The following MGAT4C variants were observed in gnomAD, a reference collection of about 807,000 sequenced individuals.
MGAT4C encodes the protein MGAT4 family member C, also known as alpha-1,3-mannosyl-glycoprotein 4-beta-N-acetylglucosaminyltransferase C.
In MGAT4C, 19 loss-of-function variants were observed where a neutral mutation model predicts 40.1. The ratio of observed to expected loss-of-function variants is 0.47; its 90% CI spans 0.33 to 0.70. MGAT4C has a LOEUF of 0.70. MGAT4C is among the 30% of genes least tolerant of loss of function. The pLI is 0.02. For missense variants in MGAT4C, 491 were observed against 563.2 expected (o/e 0.87, Z 1.30); for synonymous variants, 181 against 187.1 (o/e 0.97, Z 0.27).
At chr12:86,500,935 T>C (rs2136333613) in intron 2 of MGAT4C, among the ~76,000 whole-genome samples, 1 of 152,168 alleles carries the variant, frequency 6.6e-6, no homozygotes, top group Non-Finnish European at 1.5e-5. Context: ...CTTAAGTAAT[T>C]TATCAAATTG....
At chr12:86,096,490 G>A (rs939875109) in intron 1 of MGAT4C, among the ~76,000 whole-genome samples, 1 of 143,016 alleles carries the variant, frequency 7.0e-6, no homozygotes, top group South Asian at 2.2e-4. Context: ...ATCTTAATTG[G>A]TTGTCTGTTG....
At chr12:86,003,556 A>G (rs1030479177) in intron 2 of MGAT4C, among the ~76,000 whole-genome samples, 1 of 152,154 alleles carries the variant, frequency 6.6e-6, no homozygotes, top group Admixed American at 6.5e-5. Context: ...GTTAACTGTA[A>G]AAACAGTTAA....
chr12:86,546,828 CA>C (rs1959195669), intron 2 of MGAT4C, among the ~76,000 whole-genome samples: 1 of 151,798 alleles, frequency 6.6e-6, no homozygotes, highest in Admixed American at 6.6e-5. Context: ...AGGCATCCCC[CA>C]AAAAACACCA....
At chr12:86,280,059 T>C (rs1592639174) in intron 4 of MGAT4C, among the ~76,000 whole-genome samples, 1 of 152,110 alleles carries the variant, frequency 6.6e-6, no homozygotes, top group South Asian at 2.1e-4. Context: ...TGGTCTAACA[T>C]TGAGAATGAT....
intron 2 of MGAT4C, among the ~76,000 whole-genome samples, chr12:86,446,435 T>G (rs1408517551): frequency 6.6e-6 from 1 of 151,644 alleles, no homozygotes; most frequent in Non-Finnish European, 1.5e-5. Context: ...TTATGAAACT[T>G]CTTGAGGCTC....
chr12:86,504,645 G>T (rs1444311627), intron 2 of MGAT4C, among the ~76,000 whole-genome samples: 1 of 152,124 alleles, frequency 6.6e-6, no homozygotes, highest in East Asian at 1.9e-4. Flanking sequence ...TTCCAGCAAG[G>T]TATGTTAGTT....
intron 2 of MGAT4C, among the ~76,000 whole-genome samples, chr12:86,581,072 G>T (rs1960760450): frequency 6.6e-6 from 1 of 151,336 alleles, no homozygotes; most frequent in African/African-American, 2.4e-5. Context: ...TTCTCAAGAC[G>T]CCCTTGCACA....
chr12:86,803,838 C>A (rs1400244096), intron 1 of MGAT4C, among the ~76,000 whole-genome samples: 4 of 151,066 alleles, frequency 2.6e-5, no homozygotes, highest in Admixed American at 2.6e-4. Context: ...CTAGTTCAAC[C>A]ATTGTGGAAT....
intron 2 of MGAT4C, among the ~76,000 whole-genome samples, chr12:86,654,495 G>T (rs957871626): frequency 1.3e-5 from 2 of 151,912 alleles, no homozygotes; most frequent in Admixed American, 1.3e-4. Context: ...CAAAACATCA[G>T]AGGTTTAAAA....
chr12:86,227,278 A>G (rs1951129596), intron 1 of MGAT4C, among the ~76,000 whole-genome samples: 1 of 151,826 alleles, frequency 6.6e-6, no homozygotes, highest in Non-Finnish European at 1.5e-5. Flanking sequence ...GTGGCCCAGC[A>G]TCGAATCCTA....
intron 2 of MGAT4C, among the ~76,000 whole-genome samples, chr12:86,466,897 A>G (rs536980438): frequency 2.2e-4 from 34 of 152,310 alleles, no homozygotes; most frequent in African/African-American, 7.0e-4. Flanking sequence ...GGAAAATCAC[A>G]TAATTTCTAT....
chr12:86,460,494 A>G (rs1957581515), intron 2 of MGAT4C, among the ~76,000 whole-genome samples: 1 of 152,188 alleles, frequency 6.6e-6, no homozygotes, highest in Admixed American at 6.5e-5. Context: ...TGAATATCAC[A>G]TTAAAACTTA....
At chr12:86,061,735 C>A (rs1197776727) in intron 1 of MGAT4C, among the ~76,000 whole-genome samples, 1 of 152,102 alleles carries the variant, frequency 6.6e-6, no homozygotes, top group Non-Finnish European at 1.5e-5. Context: ...GTTTTACCCT[C>A]ACAGTGTAAA....
At chr12:86,637,089 C>A (rs908564654) in intron 2 of MGAT4C, among the ~76,000 whole-genome samples, 3 of 151,784 alleles carry the variant, frequency 2.0e-5, no homozygotes, top group African/African-American at 7.3e-5. Flanking sequence ...GGAGTCATAG[C>A]CACTGACTGA....
At chr12:85,988,303 T>A (rs1472606125) in intron 3 of MGAT4C, among the ~76,000 whole-genome samples, 1 of 152,124 alleles carries the variant, frequency 6.6e-6, no homozygotes, top group East Asian at 1.9e-4. Flanking sequence ...ATGCAAGATG[T>A]TTTACAGAGG....
intron 4 of MGAT4C, among the ~76,000 whole-genome samples, chr12:86,332,854 A>C (rs1954703167): frequency 6.6e-6 from 1 of 151,834 alleles, no homozygotes; most frequent in African/African-American, 2.4e-5. Context: ...GGACAGGTTG[A>C]TTAACATTTT....
At chr12:86,296,658 T>G (rs999893712) in intron 4 of MGAT4C, among the ~76,000 whole-genome samples, 1 of 152,166 alleles carries the variant, frequency 6.6e-6, no homozygotes, top group Non-Finnish European at 1.5e-5. Context: ...GCTAAGCCCC[T>G]CACTGCCTGG....
intron 1 of MGAT4C, among the ~76,000 whole-genome samples, chr12:86,813,638 T>C (rs969106242): frequency 6.6e-6 from 1 of 152,002 alleles, no homozygotes; most frequent in Non-Finnish European, 1.5e-5. Flanking sequence ...ACACAGTGAG[T>C]CACTACATAT....
chr12:86,319,674 T>G lies in MGAT4C; in HGVS notation c.-57+14391A>C, dbSNP rs577459829. On this transcript the variant is annotated intron_variant, in intron 4 of 7. Coordinates refer to the MGAT4C transcript ENST00000548651. Reference sequence around the variant, plus strand: ...TCTGCTGAATTCCTAACACTTAAAATGTTGGTTATATTTTTTTAAGTAAGT... The same window carrying G: ...TCTGCTGAATTCCTAACACTTAAAAGGTTGGTTATATTTTTTTAAGTAAGT... Among the ~76,000 whole-genome samples the G allele has an allele frequency of 5.0e-4, 76 of 152,296 alleles. 2 individuals are homozygous for G. The South Asian group carries it at 0.015, about 31-fold the overall frequency.
Sources: allele counts gnomAD v4.1 joint callset (sites outside exome capture counted in the v4.1 genomes callset), GRCh38; gene constraint gnomAD v4.1.1; transcripts MANE v1.5; gene names NCBI Gene and HGNC (gene_info 2026-07-23, HGNC 2026-07-21).